The following ZNF595 variants were observed in gnomAD, a reference collection of about 807,000 sequenced individuals.
The protein encoded by ZNF595 is zinc finger protein 595.
Under a neutral mutation model 19.4 loss-of-function variants are expected in ZNF595, and 9 were observed. The ratio of observed to expected loss-of-function variants is 0.46; its 90% CI spans 0.28 to 0.81. ZNF595 has a LOEUF of 0.81. Among genes scored for constraint, ZNF595 ranks in the 30% least tolerant of loss-of-function variants. The pLI is 0.11. For synonymous variants in ZNF595, 255 were observed against 255.9 expected (o/e 1.00, Z 0.03); for missense variants, 729 against 736.0 (o/e 0.99, Z 0.11).
At chr4:71,921 ATG>A (rs1713448314) in intron 3 of ZNF595, among the ~76,000 whole-genome samples, 1 of 152,074 alleles carries the variant, frequency 6.6e-6, no homozygotes, top group African/African-American at 2.4e-5. Flanking sequence ...CAAAAAAAAA[ATG>A]TACTCCAGGC....
rs1362448844 is a variant in ZNF595 at position 85,889 on chromosome 4, G to C, written c.385G>C (p.Val129Leu). ...GAATGAGTGTAAGGTGCAGAAAGGA[G>C]TTAATAATGGAGTTTACCAGTGCTT... is the stretch of plus-strand genomic sequence containing the variant. ...RVNECKVQKG[V>L]NNGVYQCLST... Residue 129 changes from valine to leucine, a missense_variant, in exon 4 of 4, where the codon GTT (valine) becomes CTT (leucine). This residue lies in a region of ZNF595 where 729 missense variants were observed against 675.3 expected (regional missense o/e 1.08). Coordinates refer to ENST00000610261, the MANE Select transcript of ZNF595 (RefSeq NM_182524.4). 6 of 1,614,022 alleles carry C rather than the reference G, an allele frequency of 3.7e-6. No homozygotes were observed. The East Asian group carries it at 1.1e-4, about 30-fold the overall frequency.
chr4:69,569 G>A (rs60903433), intron 3 of ZNF595, among the ~76,000 whole-genome samples: 368 of 152,072 alleles, frequency 2.4e-3, no homozygotes, highest in African/African-American at 8.4e-3. Flanking sequence ...AACGTTCTTT[G>A]CACATTCATA....
At chr4:66,331 T>C (rs1459511380) in intron 3 of ZNF595, among the ~76,000 whole-genome samples, 1 of 131,874 alleles carries the variant, frequency 7.6e-6, no homozygotes, top group Non-Finnish European at 1.6e-5. Flanking sequence ...ATGTAACTTT[T>C]TGTTTTTTTT....
intron 3 of ZNF595, among the ~76,000 whole-genome samples, chr4:70,712 A>G (rs554156554): frequency 2.0e-4 from 30 of 152,262 alleles, no homozygotes; most frequent in African/African-American, 6.5e-4. Flanking sequence ...TGTTCTCTCT[A>G]CTGTTTTACT....
At chr4:72,733 G>C (rs1412789123) in intron 3 of ZNF595, among the ~76,000 whole-genome samples, 1 of 152,142 alleles carries the variant, frequency 6.6e-6, no homozygotes, top group Non-Finnish European at 1.5e-5. Flanking sequence ...TTTCTCCTGT[G>C]AACATAAGTG....
chr4:87,273 A>G lies in ZNF595; in HGVS notation c.1769A>G (p.Lys590Arg). The G allele has an allele frequency of 6.2e-7, 1 of 1,612,208 alleles. No homozygotes were observed. Among genetic ancestry groups the G allele is most frequent in the Non-Finnish European group, 8.5e-7 (1 of 1,179,194 alleles). ...TKHKRIHTGE[K>R]PFTCEECGKA... ...CATAAGAGAATTCATACTGGAGAGA[A>G]ACCCTTCACATGTGAAGAATGTGGC... The change falls in exon 4 of 4, where the codon AAA (lysine) becomes AGA (arginine). Residue 590 changes from lysine to arginine, a missense_variant. By Grantham distance (26) the Lys-to-Arg change is conservative. Transcript: ENST00000610261.
At chr4:77,322 CAA>C (rs71164491) in intron 3 of ZNF595, among the ~76,000 whole-genome samples, 9 of 147,540 alleles carry the variant, frequency 6.1e-5, no homozygotes, top group South Asian at 4.2e-4. Context: ...TGTGTTCTTG[CAA>C]AAAAAAAAAT....
chr4:71,628 G>A (rs1163376332), intron 3 of ZNF595, among the ~76,000 whole-genome samples: 2 of 152,186 alleles, frequency 1.3e-5, no homozygotes, highest in Non-Finnish European at 2.9e-5. Context: ...CTGAGGTATA[G>A]GGTAGAGCCT....
At position 87,492 on chromosome 4, in the gene ZNF595, A is replaced by G. The variant is rs1553802187; in HGVS notation, c.*41A>G. On this transcript the variant is annotated 3_prime_UTR_variant, in exon 4 of 4. Transcript: ENST00000610261. ...ATCTCTAATTCCAGTGTCTTTACAC[A>G]GCAAATAAATTGGAGAATATTGCTC... 2 of 1,455,876 alleles carry G rather than the reference A, an allele frequency of 1.4e-6. No individual in the cohort carries two copies. Among genetic ancestry groups the G allele is most frequent in the Admixed American group, 5.2e-5 (2 of 38,722 alleles). The allele number at this position is 1,455,876 out of a possible 1,614,324, so 90.2% of individuals were successfully genotyped here.
chr4:87,630 C>A lies in ZNF595; in HGVS notation c.*179C>A. ...GGATTATTTTGATACAGGCATATGA[C>A]ATGTAATTATCACATCAGAGTAAAT... On this transcript the variant is annotated 3_prime_UTR_variant, in exon 4 of 4. Coordinates refer to ENST00000610261, the MANE Select transcript of ZNF595 (RefSeq NM_182524.4). 2.2e-6 allele frequency: 1 copy of A among 460,366 alleles called. No individual in the cohort carries two copies. The highest frequency in any genetic ancestry group is 3.7e-6 in the Non-Finnish European group (1 of 271,794). The allele number at this position is 460,366 out of a possible 1,614,324, so 28.5% of individuals were successfully genotyped here.
At chr4:81,115 G>A (rs1399579175) in intron 3 of ZNF595, among the ~76,000 whole-genome samples, 4 of 152,144 alleles carry the variant, frequency 2.6e-5, no homozygotes, top group African/African-American at 9.7e-5. Context: ...TGTTTGCTGA[G>A]AATGATGGTT....
At chr4:72,867 C>G (rs372265427) in intron 3 of ZNF595, among the ~76,000 whole-genome samples, 4 of 152,156 alleles carry the variant, frequency 2.6e-5, no homozygotes, top group East Asian at 3.9e-4. Flanking sequence ...CCAATCTTGA[C>G]ACTGTCAAAG....
In ZNF595 at chr4:86,403, A is replaced by G. The variant is rs782060421; in HGVS notation, c.899A>G (p.Asn300Ser). 11 of 1,613,184 alleles carry G rather than the reference A, an allele frequency of 6.8e-6. No homozygotes were observed. The South Asian group carries it at 1.2e-4, about 18-fold the overall frequency. The stretch of plus-strand genomic sequence containing the variant: ...GCCTTTAGATGGTCCACAAGCCTGA[A>G]TGAACATAAGAATATTCATACTGGA... ...GKAFRWSTSL[N>S]EHKNIHTGEK... is the part of the protein sequence containing the mutation. The change falls in exon 4 of 4, where the codon AAT becomes AGT. Residue 300 changes from asparagine (N) to serine (S), a missense_variant. By Grantham distance (46) the Asn-to-Ser change is conservative. Coordinates refer to ENST00000610261, the MANE Select transcript of ZNF595 (RefSeq NM_182524.4).
intron 3 of ZNF595, among the ~76,000 whole-genome samples, chr4:76,338 C>T (rs1713658854): frequency 6.6e-6 from 1 of 152,156 alleles, no homozygotes; most frequent in African/African-American, 2.4e-5. Context: ...AAAAATCAAG[C>T]AGTTGTACTC....
intron 3 of ZNF595, among the ~76,000 whole-genome samples, chr4:76,403 A>G (rs1713662033): frequency 6.6e-6 from 1 of 152,164 alleles, no homozygotes; most frequent in Admixed American, 6.5e-5. Flanking sequence ...TTGTATACCC[A>G]TTAACAAATT....
chr4:83,870 ACTT>A (rs1486954902), intron 3 of ZNF595, among the ~76,000 whole-genome samples: 30 of 151,454 alleles, frequency 2.0e-4, no homozygotes, highest in African/African-American at 6.8e-4. Context: ...ATAGATTTTT[ACTT>A]CTTATTTTAT....
chr4:87,630 C>T lies in ZNF595; in HGVS notation c.*179C>T. On this transcript the variant is annotated 3_prime_UTR_variant, in exon 4 of 4. Transcript: ENST00000610261. ...GGATTATTTTGATACAGGCATATGACATGTAATTATCACATCAGAGTAAAT... is the reference window on the plus strand; with the variant it reads ...GGATTATTTTGATACAGGCATATGATATGTAATTATCACATCAGAGTAAAT... 2.2e-6 allele frequency: 1 copy of T among 460,368 alleles called. No homozygotes were observed. The highest frequency in any genetic ancestry group is 3.7e-6 in the Non-Finnish European group (1 of 271,796). 28.5% of individuals were successfully genotyped at this position (460,368 alleles called of 1,614,324 possible).
At chr4:79,868 AT>A (rs575753203) in intron 3 of ZNF595, among the ~76,000 whole-genome samples, 127 of 152,012 alleles carry the variant, frequency 8.4e-4, no homozygotes, top group African/African-American at 2.8e-3. Context: ...AAGCAAAAAA[AT>A]GTTTTTCAAA....
Position 88,138 on chromosome 4 carries a change from AT to A in ZNF595, c.*688del, listed in dbSNP as rs1424918340. On this transcript the variant is annotated 3_prime_UTR_variant, in exon 4 of 4. Transcript: ENST00000610261. Reference sequence around the variant, plus strand: ...TCTAAGTCATGAATGCTTTTAAAAAATGTTCCATATTTATCTTTGAACATGT... The same window carrying A: ...TCTAAGTCATGAATGCTTTTAAAAAAGTTCCATATTTATCTTTGAACATGT... The A allele has an allele frequency of 2.6e-5, 4 of 152,208 alleles. No homozygotes were observed. Among genetic ancestry groups the A allele is most frequent in the Non-Finnish European group, 5.9e-5 (4 of 68,040 alleles). The allele number at this position is 152,208 out of a possible 1,614,324, so 9.4% of individuals were successfully genotyped here. A position where few individuals can be genotyped will look rare whatever the true frequency, so the allele number is the denominator to read the frequency against.
Sources: gnomAD v4.1 joint callset for allele counts (sites outside exome capture counted in the v4.1 genomes callset) on GRCh38, gnomAD v4.1.1 for gene constraint, gnomAD v4.1.1 regional missense constraint, MANE v1.5 for transcripts, NCBI Gene and HGNC (gene_info 2026-07-23, HGNC 2026-07-21) for gene names.